PMFBP1: variants seen among roughly 807,000 people sequenced by gnomAD.
The protein encoded by PMFBP1 is polyamine-modulated factor 1-binding protein 1.
In PMFBP1, 131 loss-of-function variants were observed where a neutral mutation model predicts 137.8. The ratio of observed to expected loss-of-function variants is 0.95; its 90% CI spans 0.82 to 1.10. The LOEUF (loss-of-function observed/expected upper bound fraction) is 1.10, where lower values mean the gene tolerates loss of function less well. Among genes scored for constraint, PMFBP1 ranks in the 50% least tolerant of loss-of-function variants. The probability of loss-of-function intolerance (pLI) is 0.00; values close to 1 mark genes in which losing one functional copy is unlikely to be tolerated. For missense variants in PMFBP1, 1,199 were observed against 1,175.4 expected (o/e 1.02, Z -0.29); for synonymous variants, 490 against 450.4 (o/e 1.09, Z -1.11).
intron 5 of PMFBP1, among the ~76,000 whole-genome samples, chr16:72,143,466 G>A (rs1027614825): frequency 6.6e-6 from 1 of 152,258 alleles, no homozygotes; most frequent in Non-Finnish European, 1.5e-5. Flanking sequence ...AATTAGGCCG[G>A]GCGTGGTGGC....
At chr16:72,196,263 A>T in the PMFBP1 span, among the ~76,000 whole-genome samples, 7 of 152,106 alleles carry the variant, frequency 4.6e-5, no homozygotes, top group Admixed American at 6.5e-5. Flanking sequence ...TTTATCTAGG[A>T]TTCCTTCAAA....
chr16:72,129,110 C>A lies in PMFBP1; in HGVS notation c.1906G>T (p.Glu636Ter). The change falls in exon 13 of 21, where the codon GAA becomes TAA. Residue 636 changes from glutamate (E) to a stop codon, truncating the protein, a stop_gained. Transcript: ENST00000237353. LOFTEE classifies it high-confidence loss of function. ...SKEHEKLMEG[E>*]LEALRQEFKK... is the part of the protein sequence containing the mutation. The stretch of plus-strand genomic sequence containing the variant: ...AATTCCTGCCGCAAAGCTTCAAGTT[C>A]TCCCTCCATCAGCTTCTCATGCTCT... 6.2e-7 allele frequency: 1 copy of A among 1,614,204 alleles called. No homozygotes were observed. Among genetic ancestry groups the A allele is most frequent in the Non-Finnish European group, 8.5e-7 (1 of 1,180,036 alleles).
upstream of PMFBP1, among the ~76,000 whole-genome samples, chr16:72,181,042 C>A (rs2043274535): frequency 6.6e-6 from 1 of 152,034 alleles, no homozygotes; most frequent in Admixed American, 6.6e-5. Context: ...AGATCGAGAC[C>A]ATCCTGGCCA....
Position 72,136,735 on chromosome 16 carries a change from C to T in PMFBP1, c.1003G>A (p.Glu335Lys), listed in dbSNP as rs749907035. The change falls in exon 8 of 21, where the codon GAA becomes AAA. Residue 335 changes from glutamate to lysine, a missense_variant. By Grantham distance (56) the Glu-to-Lys change is moderately conservative. Transcript: ENST00000237353. ...YQNLVKDLRV[E>K]LEAVSEQKRN... ...TTCTGTTCCGACACGGCCTCTAGTT[C>T]CACGCGCAGATCCTTCACCAGGTTC... 8 of 1,614,028 alleles carry T rather than the reference C, an allele frequency of 5.0e-6. No homozygotes were observed. The highest frequency in any genetic ancestry group is 6.8e-6 in the Non-Finnish European group (8 of 1,180,048).
At chr16:72,168,594 T>G (rs906269208) in intron 2 of PMFBP1, among the ~76,000 whole-genome samples, 3 of 152,232 alleles carry the variant, frequency 2.0e-5, no homozygotes, top group African/African-American at 7.2e-5. Context: ...ATGTTGACCC[T>G]CAGGCACCAT....
rs1567627035 is a variant in PMFBP1 at position 72,136,620 on chromosome 16, G to T, written c.1046-15C>A. On this transcript the variant is annotated splice_polypyrimidine_tract_variant and intron_variant, in intron 8 of 20. Coordinates refer to ENST00000237353, the MANE Select transcript of PMFBP1 (RefSeq NM_031293.3). ...CTTCATCATGTCTACCATGGGGCGGGACAGAGTCTATGCTCAGGGGAGAGT... is the reference window on the plus strand; with the variant it reads ...CTTCATCATGTCTACCATGGGGCGGTACAGAGTCTATGCTCAGGGGAGAGT... 2 of 1,614,008 alleles carry T rather than the reference G, an allele frequency of 1.2e-6. No homozygotes were observed. Among genetic ancestry groups the T allele is most frequent in the Non-Finnish European group, 1.7e-6 (2 of 1,180,004 alleles).
At chr16:72,178,471 T>G (rs2043265908), upstream of PMFBP1, among the ~76,000 whole-genome samples, 1 of 152,216 alleles carries the variant, frequency 6.6e-6, no homozygotes, top group Non-Finnish European at 1.5e-5. Context: ...ACAGTAGTAT[T>G]CTAATGGGGG....
At chr16:72,159,708 A>G (rs1291045347) in intron 3 of PMFBP1, among the ~76,000 whole-genome samples, 2 of 152,210 alleles carry the variant, frequency 1.3e-5, no homozygotes, top group Non-Finnish European at 2.9e-5. Context: ...AGAAAAAGAC[A>G]CGCTATGGAT....
rs758130631 is a variant in PMFBP1 at position 72,171,212 on chromosome 16, C to T, written c.-4G>A. The T allele has an allele frequency of 4.5e-5, 73 of 1,613,760 alleles. No individual in the cohort carries two copies. The highest frequency in any genetic ancestry group is 6.1e-5 in the Non-Finnish European group (72 of 1,179,850). ...GGAGCCTTACCTCATCTTTCATTTC[C>T]TTGGCAGCTCTCAATTCTCCTTTAA... On this transcript the variant is annotated 5_prime_UTR_variant, in exon 2 of 21. Transcript: ENST00000237353.
chr16:72,156,621 G>GAA (rs199982672), intron 3 of PMFBP1, among the ~76,000 whole-genome samples: 3 of 143,316 alleles, frequency 2.1e-5, no homozygotes, highest in Admixed American at 7.0e-5. Flanking sequence ...CTCTGTCTCA[G>GAA]AAAAAAAAAA....
the PMFBP1 span, among the ~76,000 whole-genome samples, chr16:72,245,187 A>C: frequency 6.6e-6 from 1 of 151,266 alleles, no homozygotes; most frequent in Non-Finnish European, 1.5e-5. Flanking sequence ...TATAGACAGA[A>C]AACTAAATAA....
chr16:72,241,053 T>C, the PMFBP1 span, among the ~76,000 whole-genome samples: 2 of 152,064 alleles, frequency 1.3e-5, no homozygotes, highest in South Asian at 2.1e-4. Flanking sequence ...TCTGTAAACA[T>C]AACTTATGTT....
Position 72,136,548 on chromosome 16 carries a change from A to G in PMFBP1, c.1103T>C (p.Ile368Thr), listed in dbSNP as rs144149583. ...HGLREETSAH[I>T]ERKDKDITIL... ...GGTGATGTCCTTATCCTTCCTCTCA[A>G]TGTGGGCAGATGTCTCCTCCCGCAG... is the stretch of plus-strand genomic sequence containing the variant. Residue 368 changes from isoleucine (I) to threonine (T), a missense_variant, in exon 9 of 21, where the codon ATT (isoleucine) becomes ACT (threonine). Coordinates refer to ENST00000237353, the MANE Select transcript of PMFBP1 (RefSeq NM_031293.3). The G allele has an allele frequency of 4.6e-5, 75 of 1,613,248 alleles. 1 individual carries two copies. Among genetic ancestry groups the G allele is most frequent in the South Asian group, 3.2e-4 (29 of 90,992 alleles).
intron 3 of PMFBP1, among the ~76,000 whole-genome samples, chr16:72,160,317 T>C (rs1297295183): frequency 6.6e-6 from 1 of 152,230 alleles, no homozygotes; most frequent in Non-Finnish European, 1.5e-5. Flanking sequence ...ATTGTCCTTT[T>C]TCCCTTTTTA....
At chr16:72,129,040 A>C (rs1259381961) in intron 13 of PMFBP1, 26 bp downstream of exon 13, 1 of 1,609,624 alleles carries the variant, frequency 6.2e-7, no homozygotes, top group East Asian at 2.2e-5. Flanking sequence ...TTCCTGACCC[A>C]GCTCTCCTGG....
intron 19 of PMFBP1, among the ~76,000 whole-genome samples, chr16:72,121,823 C>T (rs1276095693): frequency 6.6e-6 from 1 of 152,122 alleles, no homozygotes; most frequent in Non-Finnish European, 1.5e-5. Context: ...ACAGACAGGG[C>T]CTTGCTGTCG....
upstream of PMFBP1, chr16:72,177,022 C>G (rs1229384765): frequency 6.6e-6 from 1 of 152,210 alleles, no homozygotes; most frequent in Non-Finnish European, 1.5e-5. Flanking sequence ...GTAGAAACAG[C>G]CAGGGTCAGG....
intron 10 of PMFBP1, among the ~76,000 whole-genome samples, chr16:72,131,437 AT>A (rs2042547858): frequency 6.6e-6 from 1 of 152,192 alleles, no homozygotes; most frequent in Non-Finnish European, 1.5e-5. Flanking sequence ...GAAAATTGGA[AT>A]ACATTAGAAT....
the PMFBP1 span, among the ~76,000 whole-genome samples, chr16:72,202,699 G>A: frequency 1.3e-5 from 2 of 152,144 alleles, no homozygotes; most frequent in Admixed American, 6.5e-5. Flanking sequence ...TCTCACTCAC[G>A]CATCCTCCTC....
Sources: gnomAD v4.1 joint callset for allele counts (sites outside exome capture counted in the v4.1 genomes callset) on GRCh38, gnomAD v4.1.1 for gene constraint, MANE v1.5 for transcripts, NCBI Gene and HGNC (gene_info 2026-07-23, HGNC 2026-07-21) for gene names.